Variants in NUDCD3 observed in about 807,000 individuals in gnomAD.
NUDCD3 encodes nudC domain-containing protein 3.
A neutral mutation model predicts 39.7 loss-of-function variants in NUDCD3; 13 were observed. The observed-to-expected ratio is 0.33, with a 90% CI of 0.21 to 0.52. The LOEUF (loss-of-function observed/expected upper bound fraction) is 0.52, where lower values mean the gene tolerates loss of function less well. Ranked by LOEUF, NUDCD3 falls within the 20% of genes least tolerant of loss-of-function variation. The pLI, the probability that NUDCD3 is intolerant of heterozygous loss-of-function variation, is 0.96. For synonymous variants in NUDCD3, 175 were observed against 172.4 expected, an observed-to-expected ratio of 1.02 and a Z score of -0.12; for missense variants, 453 against 458.1, an observed-to-expected ratio of 0.99 and a Z score of 0.10.
At chr7:44,431,562 G>C (rs184017769) in intron 2 of NUDCD3, among the ~76,000 whole-genome samples, 4 of 152,182 alleles carry the variant, frequency 2.6e-5, no homozygotes, top group Non-Finnish European at 5.9e-5. Context: ...TTCCTGAGTA[G>C]GTGAGGTTTC....
At chr7:44,429,711 T>C (rs568024657) in intron 2 of NUDCD3, among the ~76,000 whole-genome samples, 1 of 152,256 alleles carries the variant, frequency 6.6e-6, no homozygotes, top group African/African-American at 2.4e-5. Flanking sequence ...GAAGAGATGT[T>C]AGCCTTAAAC....
At chr7:44,485,366 TGAA>T in intron 1 of NUDCD3, 82 bp from the exon 2 acceptor site, 3 of 1,236,182 alleles carry the variant, frequency 2.4e-6, no homozygotes, top group South Asian at 3.1e-5. Context: ...GTAAAATCTG[TGAA>T]GGAGAGAACT....
Position 44,470,824 on chromosome 7 carries a change from C to G in NUDCD3, c.509+14144G>C, listed in dbSNP as rs140516989. ...TTATTTATCTTTACTTTGACCAAAC[C>G]AAAACAAGAGTTCAAACTACTACCA... On this transcript the variant is annotated intron_variant, in intron 2 of 5. Coordinates refer to ENST00000355451, the MANE Select transcript of NUDCD3 (RefSeq NM_015332.4). Among the ~76,000 whole-genome samples, 42 of 152,272 alleles carry G rather than the reference C, an allele frequency of 2.8e-4. 1 individual carries two copies. The highest frequency in any genetic ancestry group is 2.6e-3 in the Admixed American group (40 of 15,296).
chr7:44,461,567 A>G (rs1388610082), intron 2 of NUDCD3, among the ~76,000 whole-genome samples: 1 of 152,156 alleles, frequency 6.6e-6, no homozygotes, highest in African/African-American at 2.4e-5. Context: ...ACCATGATTG[A>G]GTCAGCCGCA....
At chr7:44,455,626 G>A (rs905803227) in intron 2 of NUDCD3, among the ~76,000 whole-genome samples, 2 of 152,190 alleles carry the variant, frequency 1.3e-5, no homozygotes, top group Non-Finnish European at 2.9e-5. Context: ...GTGTGTGTGT[G>A]AGTGCATGTG....
chr7:44,406,944 G>A (rs1320403078), intron 3 of NUDCD3, among the ~76,000 whole-genome samples: 3 of 152,164 alleles, frequency 2.0e-5, no homozygotes, highest in Non-Finnish European at 2.9e-5. Context: ...AGCAAGGCCA[G>A]GGGCACATGT....
intron 3 of NUDCD3, among the ~76,000 whole-genome samples, chr7:44,427,310 G>T (rs998170156): frequency 1.3e-5 from 2 of 152,118 alleles, no homozygotes; most frequent in Non-Finnish European, 2.9e-5. Context: ...CAGATGTGTG[G>T]GCTTCTCTCT....
intron 2 of NUDCD3, among the ~76,000 whole-genome samples, chr7:44,470,607 C>A (rs1800235386): frequency 6.6e-6 from 1 of 152,188 alleles, no homozygotes; most frequent in South Asian, 2.1e-4. Context: ...GTGGACCGGG[C>A]TCTGCATAGT....
At chr7:44,392,032 G>C (rs10269459) in intron 5 of NUDCD3, among the ~76,000 whole-genome samples, 20,576 of 152,248 alleles carry the variant, frequency 0.14, 1,723 homozygotes, top group Non-Finnish European at 0.19. Context: ...AGGAAGGGCA[G>C]ATCTCATGAC....
At chr7:44,398,629 A>G (rs1798666944) in intron 4 of NUDCD3, among the ~76,000 whole-genome samples, 2 of 152,106 alleles carry the variant, frequency 1.3e-5, no homozygotes, top group African/African-American at 2.4e-5. Flanking sequence ...CTGATGACTC[A>G]CCAGCATTTA....
Position 44,404,537 on chromosome 7 carries a change from T to A in NUDCD3, c.689A>T (p.Glu230Val), listed in dbSNP as rs747321112. ...SSSSIRVAML[E>V]ENGERVLMEG... ...CATGAGGACGCGCTCCCCATTTTCC[T>A]CCAGCATGGCCACACGAATGGAGCT... is the stretch of plus-strand genomic sequence containing the variant. Residue 230 changes from glutamate (E) to valine (V), a missense_variant, in exon 4 of 6, where the codon GAG (glutamate) becomes GTG (valine). Glu to Val is a moderately radical substitution (Grantham distance 121). Transcript: ENST00000355451. 11 of 1,614,018 alleles carry A rather than the reference T, an allele frequency of 6.8e-6. No individual in the cohort carries two copies. The highest frequency in any genetic ancestry group is 9.3e-6 in the Non-Finnish European group (11 of 1,180,014).
chr7:44,454,667 C>T (rs1490899085), intron 2 of NUDCD3, among the ~76,000 whole-genome samples: 1 of 152,192 alleles, frequency 6.6e-6, no homozygotes, highest in African/African-American at 2.4e-5. Flanking sequence ...TGGCTCATGC[C>T]TATAATCCCA....
intron 2 of NUDCD3, among the ~76,000 whole-genome samples, chr7:44,439,469 C>G (rs1163512252): frequency 2.0e-5 from 3 of 151,924 alleles, no homozygotes; most frequent in Admixed American, 1.3e-4. Flanking sequence ...TTCTAAATAC[C>G]ATTCAATAAA....
chr7:44,486,099 C>T (rs1800604842), intron 1 of NUDCD3, among the ~76,000 whole-genome samples: 2 of 152,192 alleles, frequency 1.3e-5, no homozygotes, highest in African/African-American at 2.4e-5. Flanking sequence ...ATGAGAGGCA[C>T]ATCTTCCACA....
chr7:44,422,361 T>G (rs923214722), intron 3 of NUDCD3, among the ~76,000 whole-genome samples: 1 of 152,078 alleles, frequency 6.6e-6, no homozygotes, highest in Admixed American at 6.6e-5. Context: ...AGCTGTTTTT[T>G]TTAAAAGATT....
intron 5 of NUDCD3, among the ~76,000 whole-genome samples, chr7:44,390,429 CA>C (rs1798491457): frequency 6.6e-6 from 1 of 152,136 alleles, no homozygotes; most frequent in Admixed American, 6.5e-5. Context: ...GACAAACGCA[CA>C]AATACCATTC....
intron 2 of NUDCD3, among the ~76,000 whole-genome samples, chr7:44,473,697 T>C (rs1160104467): frequency 6.6e-6 from 1 of 152,216 alleles, no homozygotes; most frequent in Non-Finnish European, 1.5e-5. Flanking sequence ...TTCTATTACA[T>C]ACTCTCCTAA....
rs763263501 is a variant in NUDCD3 at position 44,392,303 on chromosome 7, A to G, written c.969T>C (p.His323=). The G allele has an allele frequency of 3.1e-6, 5 of 1,613,118 alleles. No individual in the cohort carries two copies. In the African/African-American group the frequency reaches 6.7e-5, roughly 22 times the overall value. Residue 323 remains histidine, a synonymous_variant, in exon 5 of 6, where the codon CAT becomes CAC. Transcript: ENST00000355451. The part of the protein sequence containing the change: ...HQKLQGKPQS[H]ELKVHEMLKK... ...AGGACTGCCATGCTCGTACCAGCTC[A>G]TGGCTCTGTGGCTTGCCCTGCAGCT... is the stretch of plus-strand genomic sequence containing the variant.
intron 2 of NUDCD3, among the ~76,000 whole-genome samples, chr7:44,434,142 C>T (rs936179672): frequency 6.6e-6 from 1 of 152,178 alleles, no homozygotes; most frequent in Admixed American, 6.5e-5. Context: ...TCCTACTTCT[C>T]GGTTTTATCT....
Sources: allele counts gnomAD v4.1 joint callset (sites outside exome capture counted in the v4.1 genomes callset), GRCh38; gene constraint gnomAD v4.1.1; transcripts MANE v1.5; gene names NCBI Gene and HGNC (gene_info 2026-07-23, HGNC 2026-07-21).